SORBS3: variants seen among roughly 807,000 people sequenced by gnomAD.
SORBS3 encodes the protein sorbin and SH3 domain containing 3.
SORBS3 carries 69 observed loss-of-function variants against 98.0 expected under a neutral mutation model. The observed-to-expected ratio is 0.70, with a 90% CI of 0.58 to 0.86. The LOEUF (loss-of-function observed/expected upper bound fraction) is 0.86, where lower values mean the gene tolerates loss of function less well. Among genes scored for constraint, SORBS3 ranks in the 40% least tolerant of loss-of-function variants. The probability of loss-of-function intolerance (pLI) is 0.00; values close to 1 mark genes in which losing one functional copy is unlikely to be tolerated. For missense variants in SORBS3, 954 were observed against 908.5 expected (o/e 1.05, Z -0.64); for synonymous variants, 394 against 355.4 (o/e 1.11, Z -1.22).
chr8:22,551,940 CG>C lies in SORBS3; in HGVS notation c.-137del. On this transcript the variant is annotated 5_prime_UTR_variant, in exon 1 of 21. Transcript: ENST00000240123. The surrounding 1 kb of genome is among the most constrained non-coding windows in gnomAD (Gnocchi z 5.8). ...CTTCTCCTTGCCCTTCCTCCTCGAG[CG>C]CCCGCGCCAGGCAGCAGCCGGGCAG... 1.0e-6 allele frequency: 1 copy of C among 985,478 alleles called. No individual in the cohort carries two copies. Among genetic ancestry groups the C allele is most frequent in the Non-Finnish European group, 1.2e-6 (1 of 830,014 alleles). The allele number at this position is 985,478 out of a possible 1,614,324, so 61.0% of individuals were successfully genotyped here. A position where few individuals can be genotyped will look rare whatever the true frequency, so the allele number is the denominator to read the frequency against.
At chr8:22,571,637 A>C (rs1586908292) in intron 18 of SORBS3, 81 bp from the exon 19 acceptor site, 2 of 1,089,360 alleles carry the variant, frequency 1.8e-6, no homozygotes, top group Non-Finnish European at 2.8e-6. Flanking sequence ...GGGAACGCCC[A>C]TTTTGGGCCT....
intron 16 of SORBS3, among the ~76,000 whole-genome samples, chr8:22,567,661 C>T (rs922930847): frequency 1.3e-5 from 2 of 152,190 alleles, no homozygotes; most frequent in African/African-American, 4.8e-5. Context: ...GATCCAGAAT[C>T]TGAATCCAGG....
At chr8:22,547,908 G>A (rs865781691), upstream of SORBS3, among the ~76,000 whole-genome samples, 2 of 152,166 alleles carry the variant, frequency 1.3e-5, no homozygotes, top group African/African-American at 4.8e-5. Flanking sequence ...TTGGGCAAAC[G>A]GCTGAGTTCT....
At chr8:22,564,890 C>CT (rs1265939394) in intron 10 of SORBS3, 79 of 1,038,368 alleles carry the variant, frequency 7.6e-5, no homozygotes, top group Middle Eastern at 4.2e-4. Context: ...GCTCCGGTCC[C>CT]TGGGGTGGCG....
At chr8:22,558,731 G>GA (rs939572597) in intron 5 of SORBS3, among the ~76,000 whole-genome samples, 1 of 152,228 alleles carries the variant, frequency 6.6e-6, no homozygotes, top group African/African-American at 2.4e-5. Context: ...AAGGGCTAGG[G>GA]AAAAATAAAG....
At position 22,570,901 on chromosome 8, in the gene SORBS3, C is replaced by T. The variant is rs570391542; in HGVS notation, c.1432-9C>T. On this transcript the variant is annotated splice_polypyrimidine_tract_variant and intron_variant, in intron 17 of 20. Transcript: ENST00000240123. ...AAGGCCCCACAGACACTGACTTTTC[C>T]CCCCTCAGGGAGAGCACATCTGCCT... 3.2e-6 allele frequency: 5 copies of T among 1,578,124 alleles called. No homozygotes were observed. Among genetic ancestry groups the T allele is most frequent in the African/African-American group, 2.7e-5 (2 of 74,446 alleles).
At chr8:22,560,046 G>A (rs1193654753) in intron 5 of SORBS3, among the ~76,000 whole-genome samples, 2 of 142,808 alleles carry the variant, frequency 1.4e-5, no homozygotes, top group Non-Finnish European at 3.0e-5. Context: ...CAGCCTGGGT[G>A]ACTCAGTCTC....
intron 17 of SORBS3, 73 bp downstream of exon 17, chr8:22,569,346 G>GTTTT: frequency 9.1e-7 from 1 of 1,094,026 alleles, no homozygotes; most frequent in Non-Finnish European, 1.2e-6. Flanking sequence ...ACTAAAAACA[G>GTTTT]TTTTTTTTTT....
intron 1 of SORBS3, among the ~76,000 whole-genome samples, chr8:22,552,706 C>T (rs1840106838): frequency 6.6e-6 from 1 of 152,226 alleles, no homozygotes; most frequent in Non-Finnish European, 1.5e-5. Context: ...GCCCAGGCGG[C>T]AGCTGCTGAG....
chr8:22,565,192 A>G (rs1840379575), intron 10 of SORBS3, 76 bp from the exon 11 acceptor site: 2 of 1,493,820 alleles, frequency 1.3e-6, no homozygotes, highest in African/African-American at 2.8e-5. Context: ...CTTGCTTTTC[A>G]CAGTCGATCT....
At chr8:22,550,863 G>T (rs1215767745), upstream of SORBS3, among the ~76,000 whole-genome samples, 2 of 152,214 alleles carry the variant, frequency 1.3e-5, no homozygotes, top group Non-Finnish European at 2.9e-5. Context: ...GGGGCTTGGG[G>T]ATCCCTGAGC....
intron 1 of SORBS3, among the ~76,000 whole-genome samples, chr8:22,553,742 C>T (rs1182090880): frequency 6.6e-6 from 1 of 152,216 alleles, no homozygotes; most frequent in East Asian, 1.9e-4. Flanking sequence ...GCACTCAGCA[C>T]CAACTCTCCA....
At position 22,565,822 on chromosome 8, in the gene SORBS3, G is replaced by T; in HGVS notation, c.904-4G>T. The T allele has an allele frequency of 7.6e-7, 1 of 1,312,314 alleles. No individual in the cohort carries two copies. The highest frequency in any genetic ancestry group is 9.7e-7 in the Non-Finnish European group (1 of 1,028,736). The allele number at this position is 1,312,314 out of a possible 1,614,324, so 81.3% of individuals were successfully genotyped here. On this transcript the variant is annotated splice_region_variant and splice_polypyrimidine_tract_variant and intron_variant, in intron 11 of 20. Transcript: ENST00000240123. ...GGCCCTGATTGCGCCGTTTCCCCGCGCAGAGCTCGCCGGCGCCCCGACGGG... is the reference window on the plus strand; with the variant it reads ...GGCCCTGATTGCGCCGTTTCCCCGCTCAGAGCTCGCCGGCGCCCCGACGGG...
In SORBS3 at chr8:22,558,212, C is replaced by A; in HGVS notation, c.478+20C>A. On this transcript the variant is annotated intron_variant, in intron 5 of 20. Coordinates refer to ENST00000240123, the MANE Select transcript of SORBS3 (RefSeq NM_005775.5). The stretch of plus-strand genomic sequence containing the variant: ...TGCCAGGTAAGATACCCTTCCAGGG[C>A]CCTCTCCCTGCCAAAGTGGATTCTG... The A allele has an allele frequency of 2.5e-6, 4 of 1,612,194 alleles. No individual in the cohort carries two copies. Among genetic ancestry groups the A allele is most frequent in the Non-Finnish European group, 3.4e-6 (4 of 1,178,192 alleles).
chr8:22,558,108 C>G, intron 4 of SORBS3, 21 bp from the exon 5 acceptor site: 3 of 1,613,596 alleles, frequency 1.9e-6, no homozygotes, highest in Non-Finnish European at 2.5e-6. Context: ...GGAGGACTGA[C>G]TTTGCATTTT....
Position 22,554,706 on chromosome 8 carries a change from G to C in SORBS3, c.102+98G>C. 7.1e-7 allele frequency: 1 copy of C among 1,414,322 alleles called. No individual in the cohort carries two copies. The highest frequency in any genetic ancestry group is 9.5e-7 in the Non-Finnish European group (1 of 1,049,332). 87.6% of individuals were successfully genotyped at this position (1,414,322 alleles called of 1,614,324 possible). ...GGCAGGAGGATGAAAGGGATGGAGGGAGGGCTGAAGAGAGCTCTGGGGGGC... is the reference window on the plus strand; with the variant it reads ...GGCAGGAGGATGAAAGGGATGGAGGCAGGGCTGAAGAGAGCTCTGGGGGGC... On this transcript the variant is annotated intron_variant, in intron 2 of 20. Coordinates refer to ENST00000240123, the MANE Select transcript of SORBS3 (RefSeq NM_005775.5). The surrounding 1 kb of genome is among the most constrained non-coding windows in gnomAD (Gnocchi z 6.5).
At position 22,567,152 on chromosome 8, in the gene SORBS3, A is replaced by G. The variant is rs762331461; in HGVS notation, c.1282A>G (p.Ile428Val). ...GGGAGAGCACCACGGCCGCCTGGGCATCTTCCCTGCTAATTATGTGGAGGT... is the reference window on the plus strand; with the variant it reads ...GGGAGAGCACCACGGCCGCCTGGGCGTCTTCCCTGCTAATTATGTGGAGGT... ...LEGEHHGRLG[I>V]FPANYVEVLP... The change falls in exon 16 of 21, where the codon ATC (isoleucine) becomes GTC (valine). Residue 428 changes from isoleucine to valine, a missense_variant. Ile to Val is a conservative substitution (Grantham distance 29). Transcript: ENST00000240123. 3.7e-6 allele frequency: 6 copies of G among 1,612,392 alleles called. No homozygotes were observed. Among genetic ancestry groups the G allele is most frequent in the Non-Finnish European group, 5.1e-6 (6 of 1,179,122 alleles).
At chr8:22,571,245 A>C (rs1840575699) in intron 18 of SORBS3, 24 bp downstream of exon 18, 2 of 1,450,524 alleles carry the variant, frequency 1.4e-6, no homozygotes, top group Non-Finnish European at 1.9e-6. Flanking sequence ...CCTCCACCAG[A>C]GAGTCGACCT....
At chr8:22,556,456 C>T (rs901639757) in intron 3 of SORBS3, among the ~76,000 whole-genome samples, 1 of 152,170 alleles carries the variant, frequency 6.6e-6, no homozygotes, top group Non-Finnish European at 1.5e-5. Flanking sequence ...ATTTCCAGAC[C>T]TTATTCTGAA....
Sources: gnomAD v4.1 joint callset for allele counts (sites outside exome capture counted in the v4.1 genomes callset) on GRCh38, gnomAD v4.1.1 for gene constraint, Gnocchi (gnomAD v3.1) non-coding constraint, MANE v1.5 for transcripts, NCBI Gene and HGNC (gene_info 2026-07-23, HGNC 2026-07-21) for gene names.